Variants in CDH13 observed in about 807,000 individuals in gnomAD.
CDH13 encodes the protein cadherin-13.
CDH13 carries 24 observed loss-of-function variants against 63.8 expected under a neutral mutation model. The observed-to-expected ratio is 0.38, with a 90% CI of 0.27 to 0.53. CDH13 has a LOEUF of 0.53. Ranked by LOEUF, CDH13 falls within the 20% of genes least tolerant of loss-of-function variation. CDH13 has a pLI of 0.85. For missense variants in CDH13, 1,049 were observed against 903.1 expected (o/e 1.16, Z -2.07); for synonymous variants, 503 against 355.3 (o/e 1.42, Z -4.67).
chr16:83,070,123 G>C (rs541405018), intron 3 of CDH13, among the ~76,000 whole-genome samples: 1 of 152,108 alleles, frequency 6.6e-6, no homozygotes, highest in East Asian at 1.9e-4. Context: ...TTGCTTCTTG[G>C]CATGCTTATT....
At chr16:83,032,615 G>A (rs1343381222) in intron 3 of CDH13, among the ~76,000 whole-genome samples, 1 of 152,076 alleles carries the variant, frequency 6.6e-6, no homozygotes, top group Non-Finnish European at 1.5e-5. Flanking sequence ...CTGGTCTGAA[G>A]TCGCCTGAGA....
At chr16:83,090,867 C>G (rs1004241303) in intron 3 of CDH13, among the ~76,000 whole-genome samples, 1 of 148,674 alleles carries the variant, frequency 6.7e-6, no homozygotes, top group Admixed American at 7.0e-5. Flanking sequence ...GGTGTGAAAT[C>G]TGTAACAGCA....
intron 10 of CDH13, chr16:83,725,441 C>G (rs1193685610): frequency 1.3e-5 from 2 of 152,498 alleles, no homozygotes; most frequent in East Asian, 3.9e-4. Context: ...CAGTTTGTGA[C>G]TGACATACTG....
At position 83,523,795 on chromosome 16, in the gene CDH13, G is replaced by A. The variant is rs2074895379; in HGVS notation, c.960+37140G>A. Among the ~76,000 whole-genome samples, 4 of 152,206 alleles carry A rather than the reference G, an allele frequency of 2.6e-5. No homozygotes were observed. The South Asian group carries it at 8.3e-4, about 32-fold the overall frequency. On this transcript the variant is annotated intron_variant, in intron 7 of 13. Transcript: ENST00000567109. ...CAACATTGAACATTGGGAAAAGGAG[G>A]CAAGAACGACAACAGTCCCCATTTC...
At chr16:83,250,756 A>C (rs984176651) in intron 5 of CDH13, among the ~76,000 whole-genome samples, 2 of 152,330 alleles carry the variant, frequency 1.3e-5, no homozygotes, top group African/African-American at 4.8e-5. Context: ...GATTTATTCT[A>C]AGTGCACATA....
intron 8 of CDH13, among the ~76,000 whole-genome samples, chr16:83,635,713 G>C (rs558575400): frequency 7.1e-4 from 108 of 152,260 alleles, no homozygotes; most frequent in Middle Eastern, 3.4e-3. Flanking sequence ...CACATCCTTT[G>C]TCGGAGATGT....
At chr16:83,328,655 G>A (rs1311281490) in intron 5 of CDH13, among the ~76,000 whole-genome samples, 1 of 152,154 alleles carries the variant, frequency 6.6e-6, no homozygotes, top group Non-Finnish European at 1.5e-5. Flanking sequence ...AGATGGTCAG[G>A]TTCAGGTTGT....
intron 1 of CDH13, among the ~76,000 whole-genome samples, chr16:82,731,389 C>A (rs1339958487): frequency 6.6e-6 from 1 of 152,088 alleles, no homozygotes; most frequent in Non-Finnish European, 1.5e-5. Context: ...TCTAGACTTA[C>A]AAAAGTGATA....
intron 10 of CDH13, among the ~76,000 whole-genome samples, chr16:83,714,380 A>G (rs1908572299): frequency 6.6e-6 from 1 of 152,172 alleles, no homozygotes; most frequent in African/African-American, 2.4e-5. Flanking sequence ...AAATTAAACA[A>G]AACACTGTGA....
intron 11 of CDH13, among the ~76,000 whole-genome samples, chr16:83,766,349 C>T (rs930188135): frequency 2.0e-5 from 3 of 152,184 alleles, no homozygotes; most frequent in Non-Finnish European, 2.9e-5. Context: ...TATAGGTTGG[C>T]ACAAAAATAA....
intron 6 of CDH13, among the ~76,000 whole-genome samples, chr16:83,372,806 A>G: frequency 6.6e-6 from 1 of 151,572 alleles, no homozygotes; most frequent in East Asian, 1.9e-4. Context: ...TCATCTCTGC[A>G]TCTCTGCTTT....
chr16:83,318,348 T>A (rs2090149077), intron 5 of CDH13, among the ~76,000 whole-genome samples: 1 of 152,208 alleles, frequency 6.6e-6, no homozygotes, highest in Non-Finnish European at 1.5e-5. Context: ...TGAACTCTAG[T>A]ATTTGGAGGC....
chr16:82,783,585 G>C (rs779186660), intron 1 of CDH13, among the ~76,000 whole-genome samples: 2 of 152,246 alleles, frequency 1.3e-5, no homozygotes, highest in Non-Finnish European at 2.9e-5. Flanking sequence ...TGTGTGCAGT[G>C]ATTCTTTTCC....
At chr16:83,357,841 T>G (rs55752287) in intron 6 of CDH13, among the ~76,000 whole-genome samples, 1 of 152,166 alleles carries the variant, frequency 6.6e-6, no homozygotes, top group South Asian at 2.1e-4. Context: ...CTTTTTATAG[T>G]GAGCCACAGG....
chr16:82,805,191 A>G (rs1410568373), intron 1 of CDH13, among the ~76,000 whole-genome samples: 4 of 152,102 alleles, frequency 2.6e-5, no homozygotes, highest in African/African-American at 7.2e-5. Context: ...CTCTAATAGG[A>G]CTGTGCTATG....
intron 1 of CDH13, among the ~76,000 whole-genome samples, chr16:82,635,905 C>G (rs745501447): frequency 3.3e-5 from 5 of 152,056 alleles, no homozygotes; most frequent in Non-Finnish European, 7.4e-5. Flanking sequence ...TGCGCCCCCT[C>G]TCTCTCCTGC....
chr16:82,993,311 A>G (rs944670274), intron 2 of CDH13, among the ~76,000 whole-genome samples: 6 of 151,640 alleles, frequency 4.0e-5, no homozygotes, highest in African/African-American at 1.5e-4. Flanking sequence ...GTTGTTCTTG[A>G]TTTCAGAGAA....
intron 6 of CDH13, among the ~76,000 whole-genome samples, chr16:83,439,037 T>A (rs1020476322): frequency 1.2e-4 from 19 of 152,210 alleles, no homozygotes; most frequent in Non-Finnish European, 7.3e-5. Context: ...TGAGAAAATA[T>A]GCAAGATTTG....
At chr16:82,880,376 C>T (rs1405524345) in intron 2 of CDH13, among the ~76,000 whole-genome samples, 1 of 152,154 alleles carries the variant, frequency 6.6e-6, no homozygotes, top group Non-Finnish European at 1.5e-5. Context: ...TTGATTGCTT[C>T]ATATATCGGT....
Sources: allele counts gnomAD v4.1 joint callset (sites outside exome capture counted in the v4.1 genomes callset), GRCh38; gene constraint gnomAD v4.1.1; transcripts MANE v1.5; gene names NCBI Gene and HGNC (gene_info 2026-07-23, HGNC 2026-07-21).